Variants in NXPH1 observed in about 807,000 individuals in gnomAD.
The protein encoded by NXPH1 is neurexophilin 1, also known as neurexophilin-1.
Under a neutral mutation model 23.7 loss-of-function variants are expected in NXPH1, and 5 were observed. The observed-to-expected ratio is 0.21, with a 90% confidence interval of 0.11 to 0.44. NXPH1 has a LOEUF of 0.44. Among genes scored for constraint, NXPH1 ranks in the 20% least tolerant of loss-of-function variants. The pLI is 0.99. For synonymous variants in NXPH1, 144 were observed against 122.2 expected (o/e 1.18, Z -1.18); for missense variants, 324 against 321.6 (o/e 1.01, Z -0.06).
intron 2 of NXPH1, among the ~76,000 whole-genome samples, chr7:8,598,978 T>A (rs1025009065): frequency 3.3e-5 from 5 of 152,182 alleles, no homozygotes; most frequent in African/African-American, 1.2e-4. Flanking sequence ...TCCAAACTTT[T>A]ATGCATAAGG....
At chr7:8,646,337 A>G (rs937097540) in intron 2 of NXPH1, among the ~76,000 whole-genome samples, 1 of 152,136 alleles carries the variant, frequency 6.6e-6, no homozygotes, top group African/African-American at 2.4e-5. Context: ...CTCATATCCG[A>G]CAATCTTTTA....
At chr7:8,656,460 G>T (rs114950601) in intron 2 of NXPH1, among the ~76,000 whole-genome samples, 5 of 150,664 alleles carry the variant, frequency 3.3e-5, no homozygotes, top group Non-Finnish European at 7.4e-5. Flanking sequence ...TCAAAGAAAT[G>T]ATGCAACTTT....
chr7:8,470,152 G>T (rs1313987876), intron 2 of NXPH1, among the ~76,000 whole-genome samples: 1 of 152,146 alleles, frequency 6.6e-6, no homozygotes, highest in African/African-American at 2.4e-5. Context: ...AGCATCTAGA[G>T]TTGGCCATGG....
intron 2 of NXPH1, among the ~76,000 whole-genome samples, chr7:8,515,916 T>C (rs1817679551): frequency 6.6e-6 from 1 of 152,102 alleles, no homozygotes; most frequent in Non-Finnish European, 1.5e-5. Context: ...ACTCTAAATC[T>C]TCCCTTCTTC....
chr7:8,664,084 A>G, intron 2 of NXPH1, among the ~76,000 whole-genome samples: 1 of 151,974 alleles, frequency 6.6e-6, no homozygotes, highest in Admixed American at 6.6e-5. Context: ...ATGATGCTTT[A>G]ACTTTCTATC....
intron 2 of NXPH1, among the ~76,000 whole-genome samples, chr7:8,590,498 C>T (rs1819069638): frequency 6.6e-6 from 1 of 152,000 alleles, no homozygotes; most frequent in Non-Finnish European, 1.5e-5. Flanking sequence ...GATGTCAGGT[C>T]TTTTTACATA....
rs556980422 is a variant in NXPH1 at position 8,645,269 on chromosome 7, A to G, written c.55-105739A>G. Among the ~76,000 whole-genome samples, 3 of 152,272 alleles carry G rather than the reference A, an allele frequency of 2.0e-5. No individual in the cohort carries two copies. The East Asian group carries it at 5.8e-4, about 29-fold the overall frequency. On this transcript the variant is annotated intron_variant, in intron 2 of 2. Transcript: ENST00000405863. ...TAACCTTTTCCCAAAAGTTGTACCC[A>G]GTACATTTCCACAAGTTCTATGTCA...
intron 2 of NXPH1, among the ~76,000 whole-genome samples, chr7:8,580,762 A>T (rs1239310427): frequency 6.6e-6 from 1 of 152,034 alleles, no homozygotes; most frequent in Non-Finnish European, 1.5e-5. Context: ...TGCAGAGGGA[A>T]AAAAAGTAGT....
intron 2 of NXPH1, among the ~76,000 whole-genome samples, chr7:8,460,245 T>C (rs902753389): frequency 2.6e-5 from 4 of 152,148 alleles, no homozygotes; most frequent in African/African-American, 7.2e-5. Flanking sequence ...TTACCTGAAA[T>C]TTATTATTTA....
At chr7:8,500,722 C>G (rs770346953) in intron 2 of NXPH1, among the ~76,000 whole-genome samples, 2 of 152,100 alleles carry the variant, frequency 1.3e-5, no homozygotes, top group African/African-American at 4.8e-5. Flanking sequence ...CCACTGGAAC[C>G]AGCTGATGCA....
At chr7:8,441,306 G>A (rs888622075) in intron 2 of NXPH1, among the ~76,000 whole-genome samples, 2 of 152,070 alleles carry the variant, frequency 1.3e-5, no homozygotes, top group Non-Finnish European at 2.9e-5. Context: ...GTGTGTGCAG[G>A]AAGTTTCAGT....
At chr7:8,590,604 C>T (rs1000581264) in intron 2 of NXPH1, among the ~76,000 whole-genome samples, 5 of 151,998 alleles carry the variant, frequency 3.3e-5, no homozygotes, top group African/African-American at 7.2e-5. Context: ...TGTTCATGAA[C>T]AATAAATGTT....
At chr7:8,747,112 A>C (rs1780483838) in intron 2 of NXPH1, among the ~76,000 whole-genome samples, 2 of 152,126 alleles carry the variant, frequency 1.3e-5, no homozygotes, top group South Asian at 4.1e-4. Flanking sequence ...CCCTGTGAAG[A>C]AGATTGATAT....
chr7:8,646,299 C>G lies in NXPH1; in HGVS notation c.55-104709C>G, dbSNP rs575920235. 2.6e-5 allele frequency among the ~76,000 whole-genome samples: 4 copies of G among 152,202 alleles called. No individual in the cohort carries two copies. In the South Asian group the frequency reaches 8.3e-4, roughly 32 times the overall value. On this transcript the variant is annotated intron_variant, in intron 2 of 2. Transcript: ENST00000405863. ...TTAAACTCTCCGTGAGTGGTAAATA[C>G]AAGTGCAATGGATTTTTGTACGTTT... is the stretch of plus-strand genomic sequence containing the variant.
intron 2 of NXPH1, among the ~76,000 whole-genome samples, chr7:8,447,854 G>A (rs899889746): frequency 1.3e-5 from 2 of 152,268 alleles, no homozygotes; most frequent in African/African-American, 2.4e-5. Context: ...GGCTTTAAAG[G>A]CAAAGCCACG....
chr7:8,539,069 C>A (rs948184815), intron 2 of NXPH1, among the ~76,000 whole-genome samples: 7 of 151,812 alleles, frequency 4.6e-5, no homozygotes, highest in African/African-American at 1.7e-4. Flanking sequence ...CAACAGCGAA[C>A]AATATTACAC....
intron 2 of NXPH1, among the ~76,000 whole-genome samples, chr7:8,667,141 T>C (rs1562448381): frequency 6.6e-6 from 1 of 152,004 alleles, no homozygotes; most frequent in Non-Finnish European, 1.5e-5. Flanking sequence ...TTTAATTACA[T>C]ATTCCTTAAC....
chr7:8,547,230 T>G (rs1818210364), intron 2 of NXPH1, among the ~76,000 whole-genome samples: 1 of 151,242 alleles, frequency 6.6e-6, no homozygotes, highest in Non-Finnish European at 1.5e-5. Context: ...GAGGGGGAAA[T>G]TGGAGGAGAG....
Position 8,727,612 on chromosome 7 carries a change from T to C in NXPH1, c.55-23396T>C, listed in dbSNP as rs530802031. The stretch of plus-strand genomic sequence containing the variant: ...AATAGGGAATCCTTTCCCCATTGCT[T>C]GTGTTTCTCAGGTTTGTCAAAGATC... On this transcript the variant is annotated intron_variant, in intron 2 of 2. Coordinates refer to ENST00000405863, the MANE Select transcript of NXPH1 (RefSeq NM_152745.3). Among the ~76,000 whole-genome samples, 28 of 152,262 alleles carry C rather than the reference T, an allele frequency of 1.8e-4. No homozygotes were observed. The South Asian group carries it at 5.6e-3, about 30-fold the overall frequency.
Sources: gnomAD v4.1 joint callset for allele counts (sites outside exome capture counted in the v4.1 genomes callset) on GRCh38, gnomAD v4.1.1 for gene constraint, MANE v1.5 for transcripts, NCBI Gene and HGNC (gene_info 2026-07-23, HGNC 2026-07-21) for gene names.